Variants in C2CD5 observed in about 807,000 individuals in gnomAD.
The protein encoded by C2CD5 is C2 calcium dependent domain containing 5, also known as C2 domain-containing protein 5.
A neutral mutation model predicts 130.3 loss-of-function variants in C2CD5; 109 were observed. The observed-to-expected ratio is 0.84, with a 90% CI of 0.72 to 0.98. The LOEUF is 0.98. Ranked by LOEUF, C2CD5 falls within the 50% of genes least tolerant of loss-of-function variation. C2CD5 has a pLI of 0.00. For synonymous variants in C2CD5, 454 were observed against 429.2 expected (o/e 1.06, Z -0.71); for missense variants, 996 against 1,261.8 (o/e 0.79, Z 3.19).
At chr12:22,489,626 G>GT (rs1946078702) in intron 12 of C2CD5, among the ~76,000 whole-genome samples, 1 of 152,020 alleles carries the variant, frequency 6.6e-6, no homozygotes, top group African/African-American at 2.4e-5. Flanking sequence ...GCAGGTTTTG[G>GT]TATCTGCAAG....
At chr12:22,453,730 G>A (rs1722358785) in intron 26 of C2CD5, among the ~76,000 whole-genome samples, 166 bp downstream of exon 26, 3 of 152,144 alleles carry the variant, frequency 2.0e-5, no homozygotes, top group African/African-American at 7.2e-5. Flanking sequence ...GTATTGACTT[G>A]TGACTATGTA....
intron 22 of C2CD5, among the ~76,000 whole-genome samples, chr12:22,469,252 A>G (rs1415902909): frequency 6.6e-6 from 1 of 152,122 alleles, no homozygotes; most frequent in South Asian, 2.1e-4. Context: ...CAGGAAGCTC[A>G]TCGCTTTCTC....
chr12:22,492,279 G>A (rs1946452840), intron 11 of C2CD5, among the ~76,000 whole-genome samples: 1 of 152,118 alleles, frequency 6.6e-6, no homozygotes. Context: ...AGGGCTGAAA[G>A]TAGGGTTCAA....
intron 10 of C2CD5, among the ~76,000 whole-genome samples, chr12:22,505,407 C>T (rs1948399054): frequency 6.6e-6 from 1 of 152,070 alleles, no homozygotes. Context: ...CAGGTGCCTG[C>T]CACCACGCTC....
intron 3 of C2CD5, 137 bp downstream of exon 3, chr12:22,535,121 C>T (rs1951700663): frequency 1.6e-6 from 1 of 642,300 alleles, no homozygotes; most frequent in East Asian, 2.9e-5. Flanking sequence ...CTCAATATTC[C>T]TAGGTAAGCA....
intron 7 of C2CD5, among the ~76,000 whole-genome samples, chr12:22,519,782 G>T (rs1950104759): frequency 6.6e-6 from 1 of 152,038 alleles, no homozygotes; most frequent in African/African-American, 2.4e-5. Flanking sequence ...AAAGAGAAAT[G>T]AGTGAACTGA....
chr12:22,493,376 C>T (rs967697667), intron 10 of C2CD5, 39 bp from the exon 11 acceptor site: 1 of 1,033,286 alleles, frequency 9.7e-7, no homozygotes, highest in Non-Finnish European at 1.5e-6. Flanking sequence ...TACTCAATAG[C>T]ACATTATATA....
intron 25 of C2CD5, among the ~76,000 whole-genome samples, chr12:22,456,388 T>C (rs1285246935): frequency 2.0e-5 from 3 of 152,172 alleles, no homozygotes; most frequent in Non-Finnish European, 2.9e-5. Context: ...ATAAAAGATA[T>C]AACAGGCTGA....
At position 22,458,568 on chromosome 12, in the gene C2CD5, T is replaced by C; in HGVS notation, c.2602A>G (p.Ser868Gly). 3.9e-6 allele frequency: 5 copies of C among 1,280,082 alleles called. No individual in the cohort carries two copies. The highest frequency in any genetic ancestry group is 4.9e-6 in the Non-Finnish European group (5 of 1,011,626). The allele number at this position is 1,280,082 out of a possible 1,614,324, so 79.3% of individuals were successfully genotyped here. The change falls in exon 24 of 27, where the codon AGT becomes GGT. Residue 868 changes from serine (S) to glycine (G), a missense_variant. Physicochemically the swap from Ser to Gly is moderately conservative, Grantham distance 56. This residue lies in a region of C2CD5 where 590 missense variants were observed against 631.4 expected (regional missense o/e 0.93). Coordinates refer to ENST00000446597, the MANE Select transcript of C2CD5 (RefSeq NM_001286176.2). The part of the protein sequence containing the change: ...AAQRATSVDY[S>G]SFADRCSSWI... The stretch of plus-strand genomic sequence containing the variant: ...CTGCTGCATCTGTCTGCAAAGGAAC[T>C]GTAATCAACTGACGTTGCTGAAAAC...
intron 12 of C2CD5, among the ~76,000 whole-genome samples, chr12:22,488,435 C>CTT (rs1056736469): frequency 7.0e-6 from 1 of 143,606 alleles, no homozygotes; most frequent in Non-Finnish European, 1.5e-5. Context: ...TTGTTTTTTT[C>CTT]TTTTTTTTTT....
intron 10 of C2CD5, among the ~76,000 whole-genome samples, chr12:22,495,240 A>T (rs1183295567): frequency 1.3e-5 from 2 of 152,062 alleles, no homozygotes; most frequent in Non-Finnish European, 2.9e-5. Context: ...TTTTTCTCAC[A>T]TTGGGTTTGC....
intron 3 of C2CD5, among the ~76,000 whole-genome samples, chr12:22,532,878 T>C (rs1951436968): frequency 6.6e-6 from 1 of 152,150 alleles, no homozygotes; most frequent in Non-Finnish European, 1.5e-5. Flanking sequence ...TGCTGCCCAA[T>C]ATAAGGGCCA....
intron 9 of C2CD5, among the ~76,000 whole-genome samples, chr12:22,508,273 C>T (rs1948805130): frequency 6.6e-6 from 1 of 151,880 alleles, no homozygotes; most frequent in South Asian, 2.1e-4. Context: ...AAAATCTATG[C>T]TATGTAAGAA....
chr12:22,527,625 A>G, intron 4 of C2CD5, 96 bp downstream of exon 4: 2 of 722,150 alleles, frequency 2.8e-6, no homozygotes, highest in East Asian at 6.1e-5. Context: ...GCCTAAAGAT[A>G]CATATTTTAA....
At chr12:22,461,934 G>A (rs1039289042) in intron 22 of C2CD5, among the ~76,000 whole-genome samples, 5 of 151,222 alleles carry the variant, frequency 3.3e-5, no homozygotes, top group South Asian at 4.1e-4. Flanking sequence ...CCCAAGGCCA[G>A]CTGGTCCCAG....
chr12:22,494,444 C>T (rs1360542791), intron 10 of C2CD5, among the ~76,000 whole-genome samples: 1 of 151,978 alleles, frequency 6.6e-6, no homozygotes, highest in Non-Finnish European at 1.5e-5. Context: ...ATTATACTCA[C>T]TAGTAAAATA....
Position 22,472,326 on chromosome 12 carries a change from T to C in C2CD5, c.2129A>G (p.Glu710Gly). The C allele has an allele frequency of 6.7e-7, 1 of 1,493,434 alleles. No individual in the cohort carries two copies. Among genetic ancestry groups the C allele is most frequent in the Non-Finnish European group, 9.2e-7 (1 of 1,088,050 alleles). The allele number at this position is 1,493,434 out of a possible 1,614,324, so 92.5% of individuals were successfully genotyped here. ...CCAATTATTTATACCGGGCATAATT[T>C]CTGTATTACAACTATAAAAGCCTGT... ...PPSGFYSCNT[E>G]IMPGINNWTS... The change falls in exon 18 of 27, where the codon GAA (glutamate) becomes GGA (glycine). Residue 710 changes from glutamate to glycine, a missense_variant. Around this residue, in one of 9 missense-constraint regions of C2CD5, gnomAD observed 590 missense variants for 631.4 expected, o/e 0.93. Transcript: ENST00000446597.
rs548921940 is a variant in C2CD5 at position 22,511,493 on chromosome 12, G to A, written c.1038+1801C>T. Among the ~76,000 whole-genome samples the A allele has an allele frequency of 7.9e-5, 12 of 152,234 alleles. No homozygotes were observed. In the East Asian group the frequency reaches 1.9e-3, roughly 25 times the overall value. On this transcript the variant is annotated intron_variant, in intron 9 of 26. Coordinates refer to ENST00000446597, the MANE Select transcript of C2CD5 (RefSeq NM_001286176.2). ...CATAAACTTAAGTAACTGCTACTTC[G>A]AGGACAGGCGATATAGATGTACTGC...
intron 14 of C2CD5, among the ~76,000 whole-genome samples, chr12:22,480,532 T>C (rs1208543181): frequency 6.6e-6 from 1 of 152,218 alleles, no homozygotes; most frequent in East Asian, 1.9e-4. Flanking sequence ...AAAAGCAATA[T>C]TTGAGGCAAG....
Sources: gnomAD v4.1 joint callset for allele counts (sites outside exome capture counted in the v4.1 genomes callset) on GRCh38, gnomAD v4.1.1 for gene constraint, gnomAD v4.1.1 regional missense constraint, MANE v1.5 for transcripts, NCBI Gene and HGNC (gene_info 2026-07-23, HGNC 2026-07-21) for gene names.